ASIC2: variants seen among roughly 807,000 people sequenced by gnomAD.
ASIC2 encodes acid-sensing ion channel 2.
A neutral mutation model predicts 57.3 loss-of-function variants in ASIC2; 25 were observed. That is an observed-to-expected ratio of 0.44 (90% CI 0.32 to 0.61). ASIC2 has a LOEUF of 0.61. ASIC2 is among the 20% of genes least tolerant of loss of function. The pLI, the probability that ASIC2 is intolerant of heterozygous loss-of-function variation, is 0.06. For missense variants in ASIC2, 641 were observed against 738.1 expected, an observed-to-expected ratio of 0.87 and a Z score of 1.52; for synonymous variants, 319 against 307.5, an observed-to-expected ratio of 1.04 and a Z score of -0.39.
At chr17:33,513,633 C>T (rs958689830) in intron 1 of ASIC2, among the ~76,000 whole-genome samples, 15 of 152,202 alleles carry the variant, frequency 9.9e-5, no homozygotes, top group African/African-American at 3.6e-4. Flanking sequence ...CCTGTCTTCA[C>T]TGATTTGGGG....
chr17:34,000,163 G>T (rs1402868269), intron 1 of ASIC2, among the ~76,000 whole-genome samples: 1 of 150,812 alleles, frequency 6.6e-6, no homozygotes, highest in African/African-American at 2.4e-5. Flanking sequence ...CCTTGCATGT[G>T]ACAAGTTGCT....
intron 1 of ASIC2, among the ~76,000 whole-genome samples, chr17:33,382,652 G>A (rs1039923250): frequency 2.0e-5 from 3 of 152,210 alleles, no homozygotes; most frequent in Admixed American, 1.3e-4. Context: ...TGTAACATGA[G>A]TTTGACTATC....
chr17:33,172,558 T>C (rs1299269412), intron 1 of ASIC2, among the ~76,000 whole-genome samples: 1 of 152,186 alleles, frequency 6.6e-6, no homozygotes, highest in Non-Finnish European at 1.5e-5. Context: ...ACAGGCCCTC[T>C]GGACAGCCAC....
chr17:33,330,612 G>T (rs1236192588), intron 1 of ASIC2, among the ~76,000 whole-genome samples: 1 of 152,134 alleles, frequency 6.6e-6, no homozygotes, highest in Admixed American at 6.5e-5. Flanking sequence ...ATTCAGACCT[G>T]TCTCTACGAC....
chr17:33,751,958 G>T (rs1421388018), intron 1 of ASIC2, among the ~76,000 whole-genome samples: 4 of 147,062 alleles, frequency 2.7e-5, no homozygotes, highest in Non-Finnish European at 6.0e-5. Context: ...GGGGTGGGGT[G>T]GGGGTGGGGA....
chr17:33,075,007 A>T (rs1229336809), intron 3 of ASIC2, among the ~76,000 whole-genome samples: 2 of 152,002 alleles, frequency 1.3e-5, no homozygotes, highest in Non-Finnish European at 2.9e-5. Flanking sequence ...GAGTGAGGTC[A>T]CCTCCACTGC....
chr17:33,470,058 T>C (rs1912996691), intron 1 of ASIC2, among the ~76,000 whole-genome samples: 1 of 152,102 alleles, frequency 6.6e-6, no homozygotes, highest in Non-Finnish European at 1.5e-5. Context: ...ATGGGGAACA[T>C]GCATGGAGCA....
intron 1 of ASIC2, among the ~76,000 whole-genome samples, chr17:33,366,102 C>T (rs1348996237): frequency 1.3e-5 from 2 of 152,220 alleles, no homozygotes; most frequent in African/African-American, 4.8e-5. Flanking sequence ...TGGCTGATGA[C>T]CCTCCCATGA....
intron 1 of ASIC2, among the ~76,000 whole-genome samples, chr17:33,223,372 G>A (rs1269355224): frequency 6.6e-6 from 1 of 151,902 alleles, no homozygotes; most frequent in Admixed American, 6.6e-5. Flanking sequence ...AGTAGGGACG[G>A]GGGTTTCACC....
chr17:34,154,416 C>G (rs1260716432), intron 1 of ASIC2, among the ~76,000 whole-genome samples: 4 of 152,194 alleles, frequency 2.6e-5, no homozygotes, highest in Non-Finnish European at 4.4e-5. Flanking sequence ...TTAGCATACA[C>G]TACTGCCGAT....
intron 1 of ASIC2, among the ~76,000 whole-genome samples, chr17:33,958,310 C>T (rs1904807124): frequency 6.6e-6 from 1 of 152,170 alleles, no homozygotes; most frequent in African/African-American, 2.4e-5. Context: ...CTAGGCAGTG[C>T]CCCATTGGAA....
intron 1 of ASIC2, among the ~76,000 whole-genome samples, chr17:33,787,577 A>G (rs1405132966): frequency 6.6e-6 from 1 of 152,216 alleles, no homozygotes; most frequent in Non-Finnish European, 1.5e-5. Flanking sequence ...ACAGGTGCCA[A>G]GGAATGAAAG....
chr17:34,089,749 C>A (rs1017316998), intron 1 of ASIC2, among the ~76,000 whole-genome samples: 1 of 152,098 alleles, frequency 6.6e-6, no homozygotes, highest in Non-Finnish European at 1.5e-5. Flanking sequence ...TCTGATCTTA[C>A]ACCTCTTGAA....
At chr17:33,455,600 G>T (rs1045066069) in intron 1 of ASIC2, among the ~76,000 whole-genome samples, 16 of 152,172 alleles carry the variant, frequency 1.1e-4, no homozygotes. Flanking sequence ...TCATTGATGG[G>T]CACCTAGTGT....
chr17:33,085,206 T>C (rs1319561287), intron 3 of ASIC2, among the ~76,000 whole-genome samples: 1 of 152,174 alleles, frequency 6.6e-6, no homozygotes, highest in Non-Finnish European at 1.5e-5. Flanking sequence ...TTCCTTAAAC[T>C]TTGAGCCAAA....
chr17:33,888,565 G>C (rs1237683304), intron 1 of ASIC2, among the ~76,000 whole-genome samples: 1 of 152,104 alleles, frequency 6.6e-6, no homozygotes, highest in East Asian at 1.9e-4. Flanking sequence ...AAGACCAGAA[G>C]GGGAGAGCGC....
In ASIC2 at chr17:33,013,780, G is replaced by A. The variant is rs1369005906; in HGVS notation, c.*185C>T. ...TCTCCTAAGAGGGACGCACGGCGGG[G>A]CCCAAGGATGCGTCGTGTTGGACGT... On this transcript the variant is annotated 3_prime_UTR_variant, in exon 10 of 10. Coordinates refer to ENST00000225823, the MANE Select transcript of ASIC2 (RefSeq NM_183377.2). The A allele has an allele frequency of 3.2e-6, 2 of 622,452 alleles. No individual in the cohort carries two copies. The highest frequency in any genetic ancestry group is 3.7e-5 in the African/African-American group (2 of 54,374). The allele number at this position is 622,452 out of a possible 1,614,324, so 38.6% of individuals were successfully genotyped here. A position where few individuals can be genotyped will look rare whatever the true frequency, so the allele number is the denominator to read the frequency against.
intron 1 of ASIC2, among the ~76,000 whole-genome samples, chr17:33,970,433 A>C (rs561184607): frequency 1.8e-4 from 28 of 152,358 alleles, no homozygotes; most frequent in African/African-American, 6.7e-4. Context: ...GGCAGTGCCC[A>C]CACCCAGCTG....
intron 1 of ASIC2, among the ~76,000 whole-genome samples, chr17:33,429,899 G>A (rs1911349172): frequency 6.6e-6 from 1 of 152,134 alleles, no homozygotes; most frequent in Admixed American, 6.5e-5. Context: ...TTGGTGAAAA[G>A]CAACCTGCTT....
Sources: allele counts gnomAD v4.1 joint callset (sites outside exome capture counted in the v4.1 genomes callset), GRCh38; gene constraint gnomAD v4.1.1; transcripts MANE v1.5; gene names NCBI Gene and HGNC (gene_info 2026-07-23, HGNC 2026-07-21).